The following KCNK1 variants were observed in gnomAD, a reference collection of about 807,000 sequenced individuals.
KCNK1 encodes potassium channel subfamily K member 1.
A neutral mutation model predicts 22.2 loss-of-function variants in KCNK1; 10 were observed. The ratio of observed to expected loss-of-function variants is 0.45; its 90% confidence interval spans 0.28 to 0.76. The LOEUF (loss-of-function observed/expected upper bound fraction) is 0.76. Among genes scored for constraint, KCNK1 ranks in the 30% least tolerant of loss-of-function variants. The pLI is 0.14. For missense variants in KCNK1, 378 were observed against 421.0 expected, an observed-to-expected ratio of 0.90 and a Z score of 0.89; for synonymous variants, 200 against 186.4, an observed-to-expected ratio of 1.07 and a Z score of -0.60.
chr1:233,670,411 G>T (rs541054123), intron 2 of KCNK1, among the ~76,000 whole-genome samples: 2 of 152,148 alleles, frequency 1.3e-5, no homozygotes, highest in Non-Finnish European at 2.9e-5. Context: ...TAGTGTATTA[G>T]TCTGTTTTCA....
At chr1:233,645,997 G>A (rs1185920322) in intron 1 of KCNK1, among the ~76,000 whole-genome samples, 2 of 152,214 alleles carry the variant, frequency 1.3e-5, no homozygotes, top group Non-Finnish European at 2.9e-5. Context: ...GGAAGACTAG[G>A]GGAGGGACAA....
At chr1:233,663,995 C>A (rs1028826165) in intron 1 of KCNK1, among the ~76,000 whole-genome samples, 7 of 152,014 alleles carry the variant, frequency 4.6e-5, no homozygotes, top group Admixed American at 3.3e-4. Context: ...CCATGCCCGG[C>A]TAATTTTTGT....
At chr1:233,653,368 A>C (rs1326352997) in intron 1 of KCNK1, among the ~76,000 whole-genome samples, 1 of 152,182 alleles carries the variant, frequency 6.6e-6, no homozygotes, top group Non-Finnish European at 1.5e-5. Flanking sequence ...CCTGAATAAT[A>C]ATAAAACTTA....
chr1:233,614,977 G>T (rs1408836492), intron 1 of KCNK1, among the ~76,000 whole-genome samples: 1 of 151,514 alleles, frequency 6.6e-6, no homozygotes, highest in Non-Finnish European at 1.5e-5. Context: ...CCTTCCTCCC[G>T]CACCCATCCC....
intron 1 of KCNK1, among the ~76,000 whole-genome samples, chr1:233,625,267 A>G (rs913737278): frequency 1.2e-4 from 19 of 152,322 alleles, no homozygotes; most frequent in African/African-American, 4.6e-4. Flanking sequence ...CTGAGCATGT[A>G]TTCCTTCCTT....
intron 1 of KCNK1, among the ~76,000 whole-genome samples, chr1:233,642,093 G>A: frequency 6.6e-6 from 1 of 152,076 alleles, no homozygotes; most frequent in South Asian, 2.1e-4. Flanking sequence ...CAAACAGAGG[G>A]AGGGCAGAGA....
At chr1:233,652,792 G>A (rs1488216340) in intron 1 of KCNK1, among the ~76,000 whole-genome samples, 1 of 152,196 alleles carries the variant, frequency 6.6e-6, no homozygotes, top group African/African-American at 2.4e-5. Flanking sequence ...GCTCCTCAGG[G>A]TTGGGTTGGG....
intron 1 of KCNK1, among the ~76,000 whole-genome samples, chr1:233,645,420 A>G (rs1658075483): frequency 2.0e-5 from 3 of 152,252 alleles, no homozygotes; most frequent in Admixed American, 1.3e-4. Context: ...ATCCAATGGG[A>G]AGTATTCTTA....
At chr1:233,633,564 A>G (rs1425764060) in intron 1 of KCNK1, among the ~76,000 whole-genome samples, 1 of 152,216 alleles carries the variant, frequency 6.6e-6, no homozygotes, top group South Asian at 2.1e-4. Context: ...ATCTCTCTAG[A>G]AAAATAAAGT....
intron 1 of KCNK1, among the ~76,000 whole-genome samples, chr1:233,627,512 G>A (rs760436434): frequency 1.6e-4 from 24 of 147,802 alleles, no homozygotes; most frequent in Admixed American, 2.7e-4. Flanking sequence ...GTAGCAAAGC[G>A]CCCACATCGC....
intron 1 of KCNK1, among the ~76,000 whole-genome samples, chr1:233,621,377 C>T (rs1657583235): frequency 6.6e-6 from 1 of 152,154 alleles, no homozygotes; most frequent in African/African-American, 2.4e-5. Context: ...TAAGGCAGCC[C>T]TAGCAAACTA....
intron 1 of KCNK1, chr1:233,661,767 G>T (rs751347984): frequency 6.6e-6 from 1 of 152,150 alleles, no homozygotes; most frequent in Non-Finnish European, 1.5e-5. Context: ...TGAAAAGTAT[G>T]GCTGTCAAAA....
At chr1:233,621,158 A>G (rs987012511) in intron 1 of KCNK1, among the ~76,000 whole-genome samples, 4 of 152,200 alleles carry the variant, frequency 2.6e-5, no homozygotes, top group Non-Finnish European at 5.9e-5. Context: ...TACCCTCAGT[A>G]TTTCAAAATG....
chr1:233,653,634 G>A (rs1396319211), intron 1 of KCNK1, among the ~76,000 whole-genome samples: 1 of 152,154 alleles, frequency 6.6e-6, no homozygotes, highest in Admixed American at 6.5e-5. Context: ...TTGTTGAGTT[G>A]AGACTTCTCT....
In KCNK1 at chr1:233,664,386, A is replaced by C. The variant is rs372701941; in HGVS notation, c.356-2209A>C. Reference sequence around the variant, plus strand: ...TGAACATTATTTGGCACCATCCTTCATGTTATTCTCAAGGCACTCTCCAAC... The same window carrying C: ...TGAACATTATTTGGCACCATCCTTCCTGTTATTCTCAAGGCACTCTCCAAC... On this transcript the variant is annotated intron_variant, in intron 1 of 2. Transcript: ENST00000366621. Among the ~76,000 whole-genome samples, 40 of 152,074 alleles carry C rather than the reference A, an allele frequency of 2.6e-4. No homozygotes were observed. The East Asian group carries it at 4.5e-3, about 17-fold the overall frequency.
At chr1:233,669,498 G>A (rs1043673066) in intron 2 of KCNK1, among the ~76,000 whole-genome samples, 6 of 152,264 alleles carry the variant, frequency 3.9e-5, no homozygotes, top group South Asian at 4.1e-4. Flanking sequence ...AAATACCCCT[G>A]TTTTTGTCTG....
chr1:233,616,268 T>A (rs1042018527), intron 1 of KCNK1, among the ~76,000 whole-genome samples: 1 of 152,314 alleles, frequency 6.6e-6, no homozygotes, highest in Middle Eastern at 3.4e-3. Flanking sequence ...AATGATATTG[T>A]GAGGATAGAA....
chr1:233,664,072 C>T (rs183509898), intron 1 of KCNK1, among the ~76,000 whole-genome samples: 10 of 152,158 alleles, frequency 6.6e-5, no homozygotes, highest in Non-Finnish European at 1.3e-4. Context: ...CCTCGTGATC[C>T]GCCCGCCTCG....
chr1:233,626,254 G>T (rs1427070999), intron 1 of KCNK1, among the ~76,000 whole-genome samples: 2 of 152,030 alleles, frequency 1.3e-5, no homozygotes, highest in Non-Finnish European at 2.9e-5. Flanking sequence ...GAAGAGTGAA[G>T]AATGACCCCC....
Sources: gnomAD v4.1 joint callset for allele counts (sites outside exome capture counted in the v4.1 genomes callset) on GRCh38, gnomAD v4.1.1 for gene constraint, MANE v1.5 for transcripts, NCBI Gene and HGNC (gene_info 2026-07-23, HGNC 2026-07-21) for gene names.